Variants in RAB1A observed in about 807,000 individuals in gnomAD.
The protein encoded by RAB1A is ras-related protein Rab-1A.
Under a neutral mutation model 26.0 loss-of-function variants are expected in RAB1A, and 2 were observed. That is an observed-to-expected ratio of 0.08 (90% CI 0.03 to 0.24). The LOEUF (loss-of-function observed/expected upper bound fraction) is 0.24, where lower values mean the gene tolerates loss of function less well. Ranked by LOEUF, RAB1A falls within the 10% of genes least tolerant of loss-of-function variation. RAB1A has a pLI of 1.00. For synonymous variants in RAB1A, 84 were observed against 84.9 expected, an observed-to-expected ratio of 0.99 and a Z score of 0.06; for missense variants, 100 against 247.0, an observed-to-expected ratio of 0.40 and a Z score of 3.99.
chr2:65,114,182 AT>A, intron 1 of RAB1A: 1 of 444,980 alleles, frequency 2.2e-6, no homozygotes, highest in Non-Finnish European at 4.4e-6. Flanking sequence ...ATGAAATAAA[AT>A]TTAGATTCTC....
intron 1 of RAB1A, among the ~76,000 whole-genome samples, chr2:65,107,160 G>A (rs1295281810): frequency 6.6e-6 from 1 of 152,042 alleles, no homozygotes; most frequent in Non-Finnish European, 1.5e-5. Context: ...CCACCTCCCA[G>A]GTTCAAGCAA....
intron 1 of RAB1A, among the ~76,000 whole-genome samples, chr2:65,115,142 T>C (rs537598673): frequency 6.6e-6 from 1 of 152,340 alleles, no homozygotes; most frequent in South Asian, 2.1e-4. Flanking sequence ...AAACTTCTAC[T>C]GTTTATAAAT....
chr2:65,123,466 A>T (rs772235950), intron 1 of RAB1A, among the ~76,000 whole-genome samples: 1 of 151,996 alleles, frequency 6.6e-6, no homozygotes, highest in Admixed American at 6.6e-5. Flanking sequence ...TAAATTATTA[A>T]GATTGCTTCC....
At chr2:65,129,374 T>A (rs570738022) in intron 1 of RAB1A, among the ~76,000 whole-genome samples, 1 of 151,818 alleles carries the variant, frequency 6.6e-6, no homozygotes. Flanking sequence ...CCGAAAAGCA[T>A]CCATATTACC....
intron 2 of RAB1A, among the ~76,000 whole-genome samples, chr2:65,100,305 G>A (rs983475134): frequency 6.7e-6 from 1 of 149,464 alleles, no homozygotes; most frequent in African/African-American, 2.5e-5. Flanking sequence ...GGAGGCTGAG[G>A]AAGGAGAATC....
intron 1 of RAB1A, among the ~76,000 whole-genome samples, chr2:65,125,567 G>A (rs1372916465): frequency 2.0e-5 from 3 of 151,338 alleles, no homozygotes; most frequent in Non-Finnish European, 2.9e-5. Context: ...AATTACAGGC[G>A]TGCACCACCA....
chr2:65,098,894 G>A (rs1224688105), intron 2 of RAB1A, among the ~76,000 whole-genome samples: 1 of 141,080 alleles, frequency 7.1e-6, no homozygotes, highest in Non-Finnish European at 1.5e-5. Context: ...GGAGTGCAGT[G>A]TCATGATCTC....
intron 1 of RAB1A, among the ~76,000 whole-genome samples, chr2:65,120,588 C>G (rs1669940362): frequency 6.6e-6 from 1 of 151,216 alleles, no homozygotes; most frequent in African/African-American, 2.4e-5. Flanking sequence ...TGTTTTCAAT[C>G]TCCTAAATCA....
intron 2 of RAB1A, among the ~76,000 whole-genome samples, chr2:65,101,353 T>C (rs982400880): frequency 6.6e-6 from 1 of 152,182 alleles, no homozygotes; most frequent in African/African-American, 2.4e-5. Flanking sequence ...GTCCAAACAA[T>C]TTCTTCAACT....
At chr2:65,117,695 T>C (rs983484579) in intron 1 of RAB1A, among the ~76,000 whole-genome samples, 1 of 150,412 alleles carries the variant, frequency 6.6e-6, no homozygotes, top group African/African-American at 2.4e-5. Context: ...GCCTCCTGAG[T>C]AGCTGGGACC....
chr2:65,104,726 C>T lies in RAB1A; in HGVS notation c.96+8G>A. 1 of 1,550,134 alleles carries T rather than the reference C, an allele frequency of 6.5e-7. No homozygotes were observed. Among genetic ancestry groups the T allele is most frequent in the Non-Finnish European group, 8.8e-7 (1 of 1,136,478 alleles). On this transcript the variant is annotated splice_region_variant and intron_variant, in intron 2 of 5. Transcript: ENST00000409784. Reference sequence around the variant, plus strand: ...ATTAATTGTAAAGACATTTCAATTTCAACTTACTGCAAACCTAAGAAGAAG... The same window carrying T: ...ATTAATTGTAAAGACATTTCAATTTTAACTTACTGCAAACCTAAGAAGAAG...
intron 3 of RAB1A, among the ~76,000 whole-genome samples, chr2:65,095,615 C>A (rs1269442122): frequency 6.7e-6 from 1 of 149,428 alleles, no homozygotes; most frequent in Non-Finnish European, 1.5e-5. Context: ...TCTCTGACCT[C>A]GGCCTCCCAA....
At chr2:65,103,881 C>T (rs1487334696) in intron 2 of RAB1A, among the ~76,000 whole-genome samples, 2 of 151,982 alleles carry the variant, frequency 1.3e-5, no homozygotes, top group South Asian at 2.1e-4. Flanking sequence ...TGGGTTCAAG[C>T]GATTCTCCTG....
At chr2:65,128,827 T>C (rs1573097875) in intron 1 of RAB1A, among the ~76,000 whole-genome samples, 2 of 152,310 alleles carry the variant, frequency 1.3e-5, no homozygotes, top group East Asian at 3.9e-4. Context: ...TTTACATGCA[T>C]GTAAACTGTA....
At chr2:65,127,007 T>A (rs1295641837) in intron 1 of RAB1A, among the ~76,000 whole-genome samples, 1 of 152,208 alleles carries the variant, frequency 6.6e-6, no homozygotes, top group African/African-American at 2.4e-5. Context: ...CTAAGTAATT[T>A]TCACTAACAC....
At chr2:65,107,016 G>C (rs2103853414) in intron 1 of RAB1A, among the ~76,000 whole-genome samples, 1 of 152,240 alleles carries the variant, frequency 6.6e-6, no homozygotes. Flanking sequence ...GCCTCCCAAA[G>C]TGCTGGGACT....
chr2:65,091,601 G>A (rs1045547343), intron 3 of RAB1A, among the ~76,000 whole-genome samples: 1 of 152,032 alleles, frequency 6.6e-6, no homozygotes. Context: ...ATCATGGCTC[G>A]CTGCAGCCTC....
At chr2:65,113,433 G>C (rs1421388721) in intron 1 of RAB1A, among the ~76,000 whole-genome samples, 1 of 152,118 alleles carries the variant, frequency 6.6e-6, no homozygotes, top group Non-Finnish European at 1.5e-5. Flanking sequence ...TTGAGCCCAG[G>C]AGTTCAAGGT....
At chr2:65,090,255 T>C (rs1669140042) in intron 4 of RAB1A, among the ~76,000 whole-genome samples, 1 of 152,198 alleles carries the variant, frequency 6.6e-6, no homozygotes, top group African/African-American at 2.4e-5. Flanking sequence ...AGTTATCTCC[T>C]AATTAGCTAT....
Sources: gnomAD v4.1 joint callset for allele counts (sites outside exome capture counted in the v4.1 genomes callset) on GRCh38, gnomAD v4.1.1 for gene constraint, MANE v1.5 for transcripts, NCBI Gene and HGNC (gene_info 2026-07-23, HGNC 2026-07-21) for gene names.